NQO2: variants seen among roughly 807,000 people sequenced by gnomAD.
The protein encoded by NQO2 is ribosyldihydronicotinamide dehydrogenase [quinone].
A neutral mutation model predicts 22.0 loss-of-function variants in NQO2; 18 were observed. The ratio of observed to expected loss-of-function variants is 0.82; its 90% CI spans 0.56 to 1.21. The LOEUF (loss-of-function observed/expected upper bound fraction) is 1.21, where lower values mean the gene tolerates loss of function less well. Ranked by LOEUF, NQO2 falls within the 50% of genes most tolerant of loss-of-function variation. The probability of loss-of-function intolerance (pLI) is 0.00; values close to 1 mark genes in which losing one functional copy is unlikely to be tolerated. For synonymous variants in NQO2, 106 were observed against 110.8 expected (o/e 0.96, Z 0.28); for missense variants, 267 against 286.9 (o/e 0.93, Z 0.50).
intron 6 of NQO2, among the ~76,000 whole-genome samples, chr6:3,017,619 C>A (rs1239718558): frequency 6.6e-6 from 1 of 152,144 alleles, no homozygotes; most frequent in Non-Finnish European, 1.5e-5. Context: ...TGGCCACCTG[C>A]CAAAGGGAAG....
chr6:3,005,926 G>A, intron 1 of NQO2: 1 of 486,132 alleles, frequency 2.1e-6, no homozygotes, highest in African/African-American at 2.1e-5. Context: ...TCTGATGCGG[G>A]GGTCTCCTCT....
At position 3,016,997 on chromosome 6, in the gene NQO2, G is replaced by A. The variant is rs770557511; in HGVS notation, c.519+12G>A. ...TGTGGCCACTCCAGGTAGACCAGCT[G>A]CGAGTGGCTCCCTTGCTTGTTGGCA... is the stretch of plus-strand genomic sequence containing the variant. On this transcript the variant is annotated intron_variant, in intron 6 of 6. Coordinates refer to ENST00000380455, the MANE Select transcript of NQO2 (RefSeq NM_000904.6). The A allele has an allele frequency of 1.9e-6, 3 of 1,612,788 alleles. No homozygotes were observed. The highest frequency in any genetic ancestry group is 1.1e-5 in the South Asian group (1 of 90,972).
In NQO2 at chr6:3,006,226, G is replaced by A. The variant is rs1379083918; in HGVS notation, c.-85-242G>A. 4 of 631,532 alleles carry A rather than the reference G, an allele frequency of 6.3e-6. No homozygotes were observed. The South Asian group carries it at 2.1e-4, about 33-fold the overall frequency. The allele number at this position is 631,532 out of a possible 1,614,324, so 39.1% of individuals were successfully genotyped here. A position where few individuals can be genotyped will look rare whatever the true frequency, so the allele number is the denominator to read the frequency against. ...TGGCTCATTTCCTGGGTCCTTTGCT[G>A]TATGACTGTCTGGATGGAAGGTTCA... On this transcript the variant is annotated intron_variant, in intron 1 of 6. Coordinates refer to ENST00000380455, the MANE Select transcript of NQO2 (RefSeq NM_000904.6). The surrounding 1 kb of genome is among the most constrained non-coding windows in gnomAD (Gnocchi z 4.0).
chr6:3,010,695 A>G (rs1757109571), intron 3 of NQO2, among the ~76,000 whole-genome samples: 2 of 152,208 alleles, frequency 1.3e-5, no homozygotes, highest in Admixed American at 1.3e-4. Flanking sequence ...CCAGCCCTGG[A>G]AACTCTGATC....
chr6:3,007,563 T>A (rs1017693200), intron 2 of NQO2, among the ~76,000 whole-genome samples: 3 of 152,208 alleles, frequency 2.0e-5, no homozygotes, highest in African/African-American at 7.2e-5. Flanking sequence ...TTCTTAAAGG[T>A]GACCAGGGTA....
chr6:3,009,899 A>G, intron 2 of NQO2, 126 bp from the exon 3 acceptor site: 1 of 1,430,070 alleles, frequency 7.0e-7, no homozygotes, highest in African/African-American at 1.4e-5. Flanking sequence ...AAAGAAAAGA[A>G]AATTTGATAT....
At chr6:3,001,280 G>A (rs1756703773) in intron 1 of NQO2, among the ~76,000 whole-genome samples, 1 of 151,782 alleles carries the variant, frequency 6.6e-6, no homozygotes. Flanking sequence ...TAGTAGAAAT[G>A]GAGTTTCACC....
chr6:3,008,569 G>C (rs1350079121), intron 2 of NQO2, among the ~76,000 whole-genome samples: 4 of 152,182 alleles, frequency 2.6e-5, no homozygotes, highest in African/African-American at 9.7e-5. Context: ...GGCCAACATG[G>C]CAAAATCCCA....
At chr6:3,019,296 C>G in intron 6 of NQO2, 183 bp from the exon 7 acceptor site, 5 of 950,790 alleles carry the variant, frequency 5.3e-6, no homozygotes, top group African/African-American at 1.8e-5. Flanking sequence ...CTTCACGGCT[C>G]TTATGCAAGG....
At chr6:3,013,775 CT>C (rs1383634161) in intron 4 of NQO2, among the ~76,000 whole-genome samples, 1 of 152,166 alleles carries the variant, frequency 6.6e-6, no homozygotes, top group Non-Finnish European at 1.5e-5. Context: ...CGCACATGAG[CT>C]TTGAGGGAAT....
intron 2 of NQO2, among the ~76,000 whole-genome samples, chr6:3,007,932 T>A (rs1757004226): frequency 6.6e-6 from 1 of 152,270 alleles, no homozygotes; most frequent in Non-Finnish European, 1.5e-5. Flanking sequence ...CCAGCAGTTC[T>A]TTATTTTGGT....
In NQO2 at chr6:3,015,549, G is replaced by C; in HGVS notation, c.323G>C (p.Ser108Thr). The change falls in exon 5 of 7, where the codon AGC becomes ACC. Residue 108 changes from serine (S) to threonine (T), a missense_variant. Physicochemically the swap from Ser to Thr is moderately conservative, Grantham distance 58. Transcript: ENST00000380455. ...CCACAGTTCCCGCTGTACTGGTTCA[G>C]CGTGCCAGCCATCCTGAAGGGCTGG... ...VIFQFPLYWF[S>T]VPAILKGWMD... is the part of the protein sequence containing the mutation. 5 of 1,614,128 alleles carry C rather than the reference G, an allele frequency of 3.1e-6. No homozygotes were observed. Among genetic ancestry groups the C allele is most frequent in the Non-Finnish European group, 4.2e-6 (5 of 1,180,014 alleles).
At chr6:3,011,981 G>A (rs1424847315) in intron 3 of NQO2, among the ~76,000 whole-genome samples, 2 of 152,192 alleles carry the variant, frequency 1.3e-5, no homozygotes, top group Non-Finnish European at 2.9e-5. Context: ...AACATTTGAA[G>A]ATGTAAAACC....
chr6:3,006,522 A>C lies in NQO2; in HGVS notation c.-31A>C. The C allele has an allele frequency of 6.2e-7, 1 of 1,612,862 alleles. No individual in the cohort carries two copies. The highest frequency in any genetic ancestry group is 8.5e-7 in the Non-Finnish European group (1 of 1,179,458). On this transcript the variant is annotated 5_prime_UTR_variant, in exon 2 of 7. Coordinates refer to ENST00000380455, the MANE Select transcript of NQO2 (RefSeq NM_000904.6). The surrounding 1 kb of genome is among the most constrained non-coding windows in gnomAD (Gnocchi z 4.0). ...CAGGAAAGCCCCAGCCACCCATCAAATCAGAGAGAAGGAATCCACCTTCTT... is the reference window on the plus strand; with the variant it reads ...CAGGAAAGCCCCAGCCACCCATCAACTCAGAGAGAAGGAATCCACCTTCTT...
At chr6:3,011,120 A>G (rs1400497552) in intron 3 of NQO2, among the ~76,000 whole-genome samples, 1 of 152,218 alleles carries the variant, frequency 6.6e-6, no homozygotes, top group African/African-American at 2.4e-5. Flanking sequence ...GCAAGGAACC[A>G]GTGACTGAAC....
At position 3,018,871 on chromosome 6, in the gene NQO2, CA is replaced by C. The variant is rs541061811; in HGVS notation, c.520-598del. On this transcript the variant is annotated intron_variant, in intron 6 of 6. Coordinates refer to ENST00000380455, the MANE Select transcript of NQO2 (RefSeq NM_000904.6). ...AGTTTGCAGAAGTACATATTATGGC[CA>C]AAAAAAAAAGAGACAATATGAAATA... is the stretch of plus-strand genomic sequence containing the variant. 3.6e-4 allele frequency among the ~76,000 whole-genome samples: 51 copies of C among 140,236 alleles called. 1 individual carries two copies. In the South Asian group the frequency reaches 5.0e-3, roughly 14 times the overall value. 92.0% of individuals were successfully genotyped at this position (140,236 alleles called of 152,430 possible).
chr6:3,019,557 G>T lies in NQO2; in HGVS notation c.598G>T (p.Glu200Ter). 1 of 1,613,510 alleles carries T rather than the reference G, an allele frequency of 6.2e-7. No homozygotes were observed. Among genetic ancestry groups the T allele is most frequent in the Non-Finnish European group, 8.5e-7 (1 of 1,179,402 alleles). The change falls in exon 7 of 7, where the codon GAA (glutamate) becomes TAA (stop). Residue 200 changes from glutamate to a stop codon, truncating the protein, a stop_gained. Coordinates refer to ENST00000380455, the MANE Select transcript of NQO2 (RefSeq NM_000904.6). LOFTEE classifies it low-confidence loss of function (END_TRUNC). ...TGCTCCTGAAATTGCATCCGAAGAA[G>T]AAAGAAAGGGGATGGTGGCTGCGTG... is the stretch of plus-strand genomic sequence containing the variant. The part of the protein sequence containing the change: ...SFAPEIASEE[E>*]RKGMVAAWSQ...
At position 3,006,437 on chromosome 6, in the gene NQO2, C is replaced by T. The variant is rs1322810423; in HGVS notation, c.-85-31C>T. 6.4e-7 allele frequency: 1 copy of T among 1,572,276 alleles called. No individual in the cohort carries two copies. The highest frequency in any genetic ancestry group is 1.2e-5 in the South Asian group (1 of 84,694). On this transcript the variant is annotated intron_variant, in intron 1 of 6. Coordinates refer to ENST00000380455, the MANE Select transcript of NQO2 (RefSeq NM_000904.6). This position sits in a 1 kb window ranked among gnomAD's most constrained non-coding sequence, Gnocchi z 4.0. ...CATTCGACCTCACCTATGCCTCTCC[C>T]CACCCCCTCTGGGTTCGTTTTGTCT...
chr6:3,012,322 G>C (rs1055190921), intron 3 of NQO2: 29 of 899,666 alleles, frequency 3.2e-5, no homozygotes, highest in African/African-American at 3.6e-5. Flanking sequence ...AAGGTGATGT[G>C]TGTAGAGCAC....
Sources: gnomAD v4.1 joint callset for allele counts (sites outside exome capture counted in the v4.1 genomes callset) on GRCh38, gnomAD v4.1.1 for gene constraint, Gnocchi (gnomAD v3.1) non-coding constraint, MANE v1.5 for transcripts, NCBI Gene and HGNC (gene_info 2026-07-23, HGNC 2026-07-21) for gene names.